Variants in BUB1 observed in about 807,000 individuals in gnomAD.
BUB1 encodes BUB1 mitotic checkpoint serine/threonine kinase, also known as mitotic checkpoint serine/threonine-protein kinase BUB1.
BUB1 carries 84 observed loss-of-function variants against 135.2 expected under a neutral mutation model. The observed-to-expected ratio is 0.62, with a 90% CI of 0.52 to 0.74. The LOEUF (loss-of-function observed/expected upper bound fraction) is 0.74, where lower values mean the gene tolerates loss of function less well. Ranked by LOEUF, BUB1 falls within the 30% of genes least tolerant of loss-of-function variation. The probability of loss-of-function intolerance (pLI) is 0.00; values close to 1 mark genes in which losing one functional copy is unlikely to be tolerated. For synonymous variants in BUB1, 403 were observed against 434.4 expected (o/e 0.93, Z 0.90); for missense variants, 1,162 against 1,288.3 (o/e 0.90, Z 1.50).
At chr2:110,652,575 A>G (rs891624641) in intron 17 of BUB1, among the ~76,000 whole-genome samples, 2 of 84,276 alleles carry the variant, frequency 2.4e-5, no homozygotes, top group African/African-American at 5.3e-5. Flanking sequence ...TAGAGGCTTG[A>G]AGGATGCTGT....
chr2:110,640,429 C>T (rs1559162758), intron 23 of BUB1, among the ~76,000 whole-genome samples: 1 of 151,386 alleles, frequency 6.6e-6, no homozygotes, highest in African/African-American at 2.4e-5. Context: ...TTTTGTTAAA[C>T]CCAGGTTCAA....
In BUB1 at chr2:110,666,314, C is replaced by G; in HGVS notation, c.906G>C (p.Gln302His). 6.5e-7 allele frequency: 1 copy of G among 1,527,462 alleles called. No homozygotes were observed. The highest frequency in any genetic ancestry group is 1.4e-5 in the African/African-American group (1 of 71,762). The allele number at this position is 1,527,462 out of a possible 1,614,324, so 94.6% of individuals were successfully genotyped here. Reference sequence around the variant, plus strand: ...GATCCTCATGGGATGTCTCCACCACCTGATGCAACTTCTTATGAAGTTCAT... The same window carrying G: ...GATCCTCATGGGATGTCTCCACCACGTGATGCAACTTCTTATGAAGTTCAT... ...KMDELHKKLH[Q>H]VVETSHEDLP... is the part of the protein sequence containing the mutation. Residue 302 changes from glutamine to histidine, a missense_variant, in exon 9 of 25, where the codon CAG becomes CAC. Physicochemically the swap from Gln to His is conservative, Grantham distance 24 (BLOSUM62 0). Coordinates refer to ENST00000302759, the MANE Select transcript of BUB1 (RefSeq NM_004336.5).
At chr2:110,661,494 C>T in intron 10 of BUB1, 88 bp downstream of exon 10, 2 of 1,454,854 alleles carry the variant, frequency 1.4e-6, no homozygotes, top group South Asian at 2.8e-5. Context: ...TCATCTTTTA[C>T]ATACTGTTCC....
chr2:110,669,949 T>TA (rs913972242), intron 5 of BUB1, among the ~76,000 whole-genome samples: 21 of 151,174 alleles, frequency 1.4e-4, no homozygotes, highest in East Asian at 1.4e-3. Context: ...AATTTTGAAT[T>TA]AAAAAAAAAT....
At chr2:110,650,910 T>C (rs1689768590) in intron 17 of BUB1, 126 bp from the exon 18 acceptor site, 1 of 836,020 alleles carries the variant, frequency 1.2e-6, no homozygotes, top group African/African-American at 1.7e-5. Context: ...AGACTAAAAG[T>C]TGATTAAAGC....
chr2:110,664,026 CAA>C (rs77906765), intron 9 of BUB1, among the ~76,000 whole-genome samples: 8 of 42,806 alleles, frequency 1.9e-4, no homozygotes, highest in Admixed American at 6.4e-4. Context: ...GACTCCATCT[CAA>C]AAAAAAAAAA....
intron 19 of BUB1, among the ~76,000 whole-genome samples, chr2:110,644,135 T>C (rs1319995512): frequency 7.1e-6 from 1 of 140,922 alleles, no homozygotes; most frequent in Non-Finnish European, 1.5e-5. Flanking sequence ...AACTACAAAA[T>C]GTATAACAGA....
chr2:110,670,714 G>T, intron 4 of BUB1, 146 bp from the exon 5 acceptor site: 1 of 676,936 alleles, frequency 1.5e-6, no homozygotes, highest in South Asian at 2.9e-5. Context: ...TTTTAGAGTT[G>T]CTTCGAAATT....
intron 24 of BUB1, among the ~76,000 whole-genome samples, chr2:110,638,782 G>C (rs1689425168): frequency 6.6e-6 from 1 of 152,172 alleles, no homozygotes; most frequent in Non-Finnish European, 1.5e-5. Flanking sequence ...TCAATTTTGA[G>C]CCAAAGATGG....
intron 3 of BUB1, among the ~76,000 whole-genome samples, chr2:110,673,079 T>G (rs1017127160): frequency 4.6e-5 from 7 of 152,150 alleles, no homozygotes; most frequent in African/African-American, 1.7e-4. Context: ...CAATGGCCAA[T>G]GATTTAATCA....
At chr2:110,650,891 T>C (rs1574320408) in intron 17 of BUB1, 107 bp from the exon 18 acceptor site, 4 of 1,056,960 alleles carry the variant, frequency 3.8e-6, no homozygotes, top group South Asian at 1.5e-5. Context: ...CATTTCACAA[T>C]AGCCTCACAG....
At chr2:110,667,412 T>C in intron 8 of BUB1, 109 bp downstream of exon 8, 1 of 1,162,534 alleles carries the variant, frequency 8.6e-7, no homozygotes, top group Non-Finnish European at 1.2e-6. Flanking sequence ...ATGAAGACTT[T>C]CTTGCAGTCT....
At position 110,637,957 on chromosome 2, in the gene BUB1, C is replaced by T. The variant is rs751652650; in HGVS notation, c.*7G>A. The stretch of plus-strand genomic sequence containing the variant: ...TGTGATTTTTAAGGACTGTCTATAT[C>T]CAAATTTTATTTTCGTGAACGCTTA... On this transcript the variant is annotated 3_prime_UTR_variant, in exon 25 of 25. Transcript: ENST00000302759. 32 of 1,458,318 alleles carry T rather than the reference C, an allele frequency of 2.2e-5. No homozygotes were observed. The highest frequency in any genetic ancestry group is 2.8e-5 in the Non-Finnish European group (31 of 1,098,618). The allele number at this position is 1,458,318 out of a possible 1,614,324, so 90.3% of individuals were successfully genotyped here.
chr2:110,659,027 T>A (rs1690009951), intron 11 of BUB1, among the ~76,000 whole-genome samples: 1 of 152,188 alleles, frequency 6.6e-6, no homozygotes, highest in Admixed American at 6.5e-5. Flanking sequence ...TGTCATAAAT[T>A]ATACCCTTAG....
intron 23 of BUB1, 37 bp downstream of exon 23, chr2:110,640,997 G>A (rs1395870947): frequency 4.6e-6 from 7 of 1,515,490 alleles, no homozygotes; most frequent in Non-Finnish European, 6.2e-6. Flanking sequence ...GCGCAACACA[G>A]AAAAATATTT....
In BUB1 at chr2:110,670,550, G is replaced by A. The variant is rs773862372; in HGVS notation, c.441C>T (p.Leu147=). The change falls in exon 5 of 25, where the codon CTC becomes CTT. Residue 147 remains leucine (L), a synonymous_variant. Coordinates refer to ENST00000302759, the MANE Select transcript of BUB1 (RefSeq NM_004336.5). Reference sequence around the variant, plus strand: ...CTTGAGCTGGCAAATGGGTTTCAGTGAGGCGTGTCTGAAATAACCTAAATG... The same window carrying A: ...CTTGAGCTGGCAAATGGGTTTCAGTAAGGCGTGTCTGAAATAACCTAAATG... ...QQQYRLFQTR[L]TETHLPAQAR... is the part of the protein sequence containing the mutation. 4 of 1,614,086 alleles carry A rather than the reference G, an allele frequency of 2.5e-6. No homozygotes were observed. The South Asian group carries it at 3.3e-5, about 13-fold the overall frequency.
chr2:110,660,280 G>A (rs1357709528), intron 10 of BUB1, among the ~76,000 whole-genome samples: 1 of 152,082 alleles, frequency 6.6e-6, no homozygotes, highest in African/African-American at 2.4e-5. Context: ...GGAGGCTGAG[G>A]CAGGAGAATC....
intron 19 of BUB1, among the ~76,000 whole-genome samples, chr2:110,645,125 C>G (rs1427694609): frequency 6.6e-6 from 1 of 151,852 alleles, no homozygotes; most frequent in Non-Finnish European, 1.5e-5. Flanking sequence ...CTTTAAATAC[C>G]AAGACAGATG....
At chr2:110,653,626 G>T in intron 16 of BUB1, 103 bp from the exon 17 acceptor site, 1 of 889,226 alleles carries the variant, frequency 1.1e-6, no homozygotes, top group Non-Finnish European at 1.8e-6. Context: ...TTTTGACACT[G>T]ACTTGCATTA....
Sources: allele counts gnomAD v4.1 joint callset (sites outside exome capture counted in the v4.1 genomes callset), GRCh38; gene constraint gnomAD v4.1.1; transcripts MANE v1.5; gene names NCBI Gene and HGNC (gene_info 2026-07-23, HGNC 2026-07-21).